The following KCNIP1 variants were observed in gnomAD, a reference collection of about 807,000 sequenced individuals.
KCNIP1 encodes potassium voltage-gated channel interacting protein 1.
A neutral mutation model predicts 33.0 loss-of-function variants in KCNIP1; 18 were observed. The ratio of observed to expected loss-of-function variants is 0.55; its 90% CI spans 0.38 to 0.81. The LOEUF is 0.81. KCNIP1 is among the 30% of genes least tolerant of loss of function. The probability of loss-of-function intolerance (pLI) is 0.00; values close to 1 mark genes in which losing one functional copy is unlikely to be tolerated. For missense variants in KCNIP1, 238 were observed against 271.6 expected, an observed-to-expected ratio of 0.88 and a Z score of 0.87; for synonymous variants, 93 against 98.3, an observed-to-expected ratio of 0.95 and a Z score of 0.32.
At chr5:170,519,936 CA>C (rs758134120) in intron 1 of KCNIP1, among the ~76,000 whole-genome samples, 3 of 151,994 alleles carry the variant, frequency 2.0e-5, no homozygotes, top group Admixed American at 6.5e-5. Context: ...CAAGCAAAGA[CA>C]GGGGGTGAGC....
At chr5:170,378,417 G>A in intron 1 of KCNIP1, 1 of 365,096 alleles carries the variant, frequency 2.7e-6, no homozygotes, top group Non-Finnish European at 4.9e-6. Context: ...TAGTGATGCA[G>A]CCGGAAACAG....
upstream of KCNIP1, among the ~76,000 whole-genome samples, chr5:170,502,636 C>T (rs1012401180): frequency 6.6e-6 from 1 of 152,112 alleles, no homozygotes; most frequent in Admixed American, 6.5e-5. Flanking sequence ...GACTTAAGGA[C>T]CTGCGCCCAT....
At chr5:170,496,103 T>C (rs1005078687) in intron 1 of KCNIP1, among the ~76,000 whole-genome samples, 3 of 152,126 alleles carry the variant, frequency 2.0e-5, no homozygotes, top group African/African-American at 7.2e-5. Context: ...CCCTCCCTGC[T>C]CACTTCCTCA....
upstream of KCNIP1, among the ~76,000 whole-genome samples, chr5:170,502,978 C>G (rs1292013263): frequency 6.6e-6 from 1 of 152,138 alleles, no homozygotes; most frequent in Non-Finnish European, 1.5e-5. Context: ...GAAATGGCTT[C>G]CTAAATCTAA....
At chr5:170,705,061 G>C (rs986918612) in intron 1 of KCNIP1, among the ~76,000 whole-genome samples, 30 of 152,162 alleles carry the variant, frequency 2.0e-4, no homozygotes, top group Non-Finnish European at 1.5e-4. Context: ...TGTCTGATTT[G>C]CTTCTAAATG....
At chr5:170,511,575 G>A (rs1186015309) in intron 1 of KCNIP1, among the ~76,000 whole-genome samples, 1 of 152,196 alleles carries the variant, frequency 6.6e-6, no homozygotes. Context: ...GTATGAAAAT[G>A]CAGGTCACCC....
intron 2 of KCNIP1, 25 bp from the exon 3 acceptor site, chr5:170,720,296 C>T (rs991429143): frequency 1.1e-5 from 17 of 1,594,848 alleles, no homozygotes; most frequent in South Asian, 2.2e-5. Context: ...AAATGCCTCC[C>T]GCTGACTCTC....
chr5:170,396,133 G>T (rs1268830487), intron 1 of KCNIP1, among the ~76,000 whole-genome samples: 2 of 152,234 alleles, frequency 1.3e-5, no homozygotes, highest in Admixed American at 6.5e-5. Flanking sequence ...CTTCAACTGG[G>T]AAACCTGAGG....
At chr5:170,587,421 C>CAAAAAAAAAAAAAAAAAAAA (rs56358014) in intron 1 of KCNIP1, among the ~76,000 whole-genome samples, 28 of 70,336 alleles carry the variant, frequency 4.0e-4, no homozygotes, top group Non-Finnish European at 4.9e-4. Context: ...GACTCTGTCT[C>CAAAAAAAAAAAAAAAAAAAA]AAAAAAAAAA....
chr5:170,701,156 C>T (rs927628785), intron 1 of KCNIP1, among the ~76,000 whole-genome samples: 6 of 152,122 alleles, frequency 3.9e-5, no homozygotes, highest in Admixed American at 1.3e-4. Flanking sequence ...TTCCCTACCC[C>T]ACAATCGCAA....
chr5:170,624,981 C>T (rs1759767470), intron 1 of KCNIP1, among the ~76,000 whole-genome samples: 1 of 152,112 alleles, frequency 6.6e-6, no homozygotes. Flanking sequence ...GCAGGCTCTT[C>T]CCTGGGGCAC....
intron 1 of KCNIP1, chr5:170,377,284 G>T (rs1457921429): frequency 2.6e-5 from 4 of 152,290 alleles, no homozygotes; most frequent in African/African-American, 9.7e-5. Context: ...CCCGTGCAGG[G>T]CTTCTGGCGT....
intron 1 of KCNIP1, among the ~76,000 whole-genome samples, chr5:170,556,633 C>T (rs1002714835): frequency 3.9e-5 from 6 of 152,170 alleles, no homozygotes; most frequent in East Asian, 1.9e-4. Flanking sequence ...CAGCTGGGCC[C>T]GGAAGCAGGC....
intron 1 of KCNIP1, among the ~76,000 whole-genome samples, chr5:170,636,322 G>C (rs370310016): frequency 1.2e-4 from 18 of 152,234 alleles, no homozygotes; most frequent in Non-Finnish European, 1.9e-4. Context: ...GAGCCCTGAG[G>C]GGGGCAGAAA....
At chr5:170,685,681 G>T (rs113869987) in intron 1 of KCNIP1, among the ~76,000 whole-genome samples, 1 of 152,066 alleles carries the variant, frequency 6.6e-6, no homozygotes, top group Non-Finnish European at 1.5e-5. Context: ...TTGAGACATG[G>T]CTTCCCCATG....
At chr5:170,575,008 G>A (rs980998913) in intron 1 of KCNIP1, among the ~76,000 whole-genome samples, 7 of 151,954 alleles carry the variant, frequency 4.6e-5, no homozygotes, top group African/African-American at 1.2e-4. Context: ...GCAGTTCCAG[G>A]AAAAAAGAGC....
chr5:170,469,295 T>C (rs1488013869), intron 1 of KCNIP1, among the ~76,000 whole-genome samples: 1 of 152,024 alleles, frequency 6.6e-6, no homozygotes. Context: ...TTTAGGAGGA[T>C]GAAGCAGGAG....
intron 1 of KCNIP1, among the ~76,000 whole-genome samples, chr5:170,478,422 T>A (rs1413782971): frequency 3.9e-5 from 6 of 152,168 alleles, no homozygotes; most frequent in Admixed American, 2.0e-4. Flanking sequence ...GGCCTTCCAG[T>A]CCCATAAGGA....
chr5:170,374,345 A>G (rs1763930643), intron 1 of KCNIP1, among the ~76,000 whole-genome samples: 1 of 152,232 alleles, frequency 6.6e-6, no homozygotes, highest in Admixed American at 6.5e-5. Context: ...CCTTGCAGGC[A>G]AGCAAATAGA....
Sources: allele counts gnomAD v4.1 joint callset (sites outside exome capture counted in the v4.1 genomes callset), GRCh38; gene constraint gnomAD v4.1.1; transcripts MANE v1.5; gene names NCBI Gene and HGNC (gene_info 2026-07-23, HGNC 2026-07-21).